ULK4: variants seen among roughly 807,000 people sequenced by gnomAD.
ULK4 encodes the protein unc-51 like kinase 4.
ULK4 carries 133 observed loss-of-function variants against 160.6 expected under a neutral mutation model. The observed-to-expected ratio is 0.83, with a 90% CI of 0.72 to 0.96. The LOEUF is 0.96. Ranked by LOEUF, ULK4 falls within the 40% of genes least tolerant of loss-of-function variation. The pLI is 0.00. For synonymous variants in ULK4, 534 were observed against 539.8 expected (o/e 0.99, Z 0.15); for missense variants, 1,580 against 1,499.5 (o/e 1.05, Z -0.89).
At chr3:41,417,470 A>G (rs1319350576) in intron 34 of ULK4, among the ~76,000 whole-genome samples, 2 of 152,150 alleles carry the variant, frequency 1.3e-5, no homozygotes, top group African/African-American at 2.4e-5. Flanking sequence ...GTGACCAGGT[A>G]TGAAGAGCTC....
chr3:41,264,402 G>A (rs1454029767), intron 35 of ULK4, among the ~76,000 whole-genome samples: 1 of 152,240 alleles, frequency 6.6e-6, no homozygotes, highest in Non-Finnish European at 1.5e-5. Context: ...AAGATGCCGT[G>A]TGGCCCTTTG....
At chr3:41,324,256 C>T (rs546272571) in intron 35 of ULK4, among the ~76,000 whole-genome samples, 2 of 152,320 alleles carry the variant, frequency 1.3e-5, no homozygotes, top group South Asian at 4.1e-4. Context: ...TCACTATACA[C>T]CTACTGTGCA....
chr3:41,760,778 C>A (rs1357567856), intron 21 of ULK4, among the ~76,000 whole-genome samples: 1 of 152,194 alleles, frequency 6.6e-6, no homozygotes, highest in South Asian at 2.1e-4. Flanking sequence ...ACACTGAAAT[C>A]TGAAACACTT....
chr3:41,456,192 G>A (rs752504199), intron 33 of ULK4, among the ~76,000 whole-genome samples: 2 of 152,308 alleles, frequency 1.3e-5, no homozygotes, highest in East Asian at 1.9e-4. Flanking sequence ...TTGCAGATGT[G>A]AGCCACCGCG....
intron 34 of ULK4, among the ~76,000 whole-genome samples, chr3:41,430,348 T>C (rs963581801): frequency 6.6e-6 from 1 of 152,216 alleles, no homozygotes; most frequent in East Asian, 1.9e-4. Context: ...TAATGGTTCA[T>C]TTATTCAGAG....
intron 22 of ULK4, among the ~76,000 whole-genome samples, chr3:41,738,858 G>A (rs574115582): frequency 6.6e-6 from 1 of 151,950 alleles, no homozygotes; most frequent in African/African-American, 2.4e-5. Flanking sequence ...GCTGAAGTAA[G>A]TAAAGGCTCT....
chr3:41,332,492 T>G (rs2080465873), intron 35 of ULK4, among the ~76,000 whole-genome samples: 1 of 152,206 alleles, frequency 6.6e-6, no homozygotes, highest in Non-Finnish European at 1.5e-5. Context: ...TCTTAACTGC[T>G]CAACGGGTTA....
At chr3:41,822,252 C>T (rs993312153) in intron 18 of ULK4, among the ~76,000 whole-genome samples, 2 of 152,146 alleles carry the variant, frequency 1.3e-5, no homozygotes, top group African/African-American at 4.8e-5. Context: ...GTCCCACTGG[C>T]CTTGGTGCAG....
intron 22 of ULK4, among the ~76,000 whole-genome samples, chr3:41,719,896 T>C (rs889524005): frequency 6.6e-6 from 1 of 152,128 alleles, no homozygotes; most frequent in African/African-American, 2.4e-5. Context: ...TCCAGTTTCG[T>C]CTTGTTTTCT....
intron 17 of ULK4, among the ~76,000 whole-genome samples, chr3:41,866,216 G>C (rs564999726): frequency 3.4e-4 from 52 of 152,250 alleles, no homozygotes; most frequent in Non-Finnish European, 6.5e-4. Flanking sequence ...TATGTACATC[G>C]TAAGACCTCC....
At chr3:41,594,778 C>T (rs1292946062) in intron 31 of ULK4, among the ~76,000 whole-genome samples, 5 of 151,902 alleles carry the variant, frequency 3.3e-5, no homozygotes, top group African/African-American at 4.8e-5. Flanking sequence ...CTAAATGGAA[C>T]GCAAACAGCA....
At chr3:41,252,790 T>C (rs966102312) in intron 35 of ULK4, among the ~76,000 whole-genome samples, 4 of 151,646 alleles carry the variant, frequency 2.6e-5, no homozygotes, top group African/African-American at 7.3e-5. Flanking sequence ...AAGAAATAAA[T>C]CTACAGATTC....
chr3:41,767,859 A>G (rs115301133), intron 21 of ULK4, among the ~76,000 whole-genome samples: 1 of 152,142 alleles, frequency 6.6e-6, no homozygotes, highest in African/African-American at 2.4e-5. Flanking sequence ...ACTTACCTCA[A>G]AGGGATGAAC....
chr3:41,933,172 G>A (rs1699652202), intron 4 of ULK4, among the ~76,000 whole-genome samples: 1 of 152,220 alleles, frequency 6.6e-6, no homozygotes, highest in South Asian at 2.1e-4. Context: ...TCCCCTGGAA[G>A]ACTTGTTAAA....
At chr3:41,769,195 G>A (rs1402184876) in intron 21 of ULK4, among the ~76,000 whole-genome samples, 1 of 152,124 alleles carries the variant, frequency 6.6e-6, no homozygotes, top group Non-Finnish European at 1.5e-5. Context: ...AACATCTTCT[G>A]CCCTAAATAA....
chr3:41,360,812 C>T (rs2081127983), intron 35 of ULK4, among the ~76,000 whole-genome samples: 1 of 152,098 alleles, frequency 6.6e-6, no homozygotes, highest in Admixed American at 6.6e-5. Context: ...GAACAGCCAG[C>T]AGATGCTGGG....
At chr3:41,713,814 T>C (rs556303800) in intron 25 of ULK4, among the ~76,000 whole-genome samples, 4 of 152,232 alleles carry the variant, frequency 2.6e-5, no homozygotes, top group South Asian at 2.1e-4. Context: ...CCAATATACA[T>C]AGAATTTCTG....
At position 41,251,363 on chromosome 3, in the gene ULK4, C is replaced by G. The variant is rs150316399; in HGVS notation, c.3679-1789G>C. ...ATATCAATCAGAGGTTCCAGTTCTGCGTAAGACAGAGAAAACACATGACAC... is the reference window on the plus strand; with the variant it reads ...ATATCAATCAGAGGTTCCAGTTCTGGGTAAGACAGAGAAAACACATGACAC... On this transcript the variant is annotated intron_variant, in intron 35 of 36. Coordinates refer to ENST00000301831, the MANE Select transcript of ULK4 (RefSeq NM_017886.4). Among the ~76,000 whole-genome samples the G allele has an allele frequency of 5.8e-3, 880 of 152,234 alleles. 6 individuals are homozygous for G. Among genetic ancestry groups the G allele is most frequent in the African/African-American group, 0.02 (811 of 41,530 alleles).
intron 19 of ULK4, 117 bp from the exon 20 acceptor site, chr3:41,800,410 T>C: frequency 1.0e-6 from 1 of 954,842 alleles, no homozygotes; most frequent in Non-Finnish European, 1.6e-6. Flanking sequence ...CTGGATGTGT[T>C]AGGCAACTTG....
Sources: allele counts gnomAD v4.1 joint callset (sites outside exome capture counted in the v4.1 genomes callset), GRCh38; gene constraint gnomAD v4.1.1; transcripts MANE v1.5; gene names NCBI Gene and HGNC (gene_info 2026-07-23, HGNC 2026-07-21).